Variants in PAX7 observed in about 807,000 individuals in gnomAD.
PAX7 encodes paired box protein Pax-7.
Under a neutral mutation model 50.7 loss-of-function variants are expected in PAX7, and 18 were observed. The ratio of observed to expected loss-of-function variants is 0.36; its 90% CI spans 0.25 to 0.53. PAX7 has a LOEUF of 0.53. Among genes scored for constraint, PAX7 ranks in the 20% least tolerant of loss-of-function variants. The probability of loss-of-function intolerance (pLI) is 0.93; values close to 1 mark genes in which losing one functional copy is unlikely to be tolerated. For missense variants in PAX7, 644 were observed against 702.9 expected (o/e 0.92, Z 0.95); for synonymous variants, 310 against 290.4 (o/e 1.07, Z -0.69).
chr1:18,664,927 T>C (rs2088647308), intron 4 of PAX7, among the ~76,000 whole-genome samples: 1 of 152,120 alleles, frequency 6.6e-6, no homozygotes, highest in African/African-American at 2.4e-5. Flanking sequence ...TACCCTTTGG[T>C]TCCAGTGATT....
intron 4 of PAX7, among the ~76,000 whole-genome samples, chr1:18,657,990 G>A (rs564939314): frequency 1.1e-4 from 17 of 152,256 alleles, no homozygotes; most frequent in East Asian, 3.9e-4. Context: ...CCCCAGGGCC[G>A]ACGCATGAAT....
At chr1:18,653,268 G>T (rs1200125202) in intron 4 of PAX7, among the ~76,000 whole-genome samples, 1 of 151,312 alleles carries the variant, frequency 6.6e-6, no homozygotes, top group Non-Finnish European at 1.5e-5. Context: ...TTTATGAATT[G>T]AGGAATCACA....
intron 7 of PAX7, among the ~76,000 whole-genome samples, chr1:18,706,728 C>T (rs984209950): frequency 5.3e-5 from 8 of 152,174 alleles, no homozygotes; most frequent in African/African-American, 1.7e-4. Flanking sequence ...GGTGATCCAC[C>T]CACCTTGGCC....
At chr1:18,666,622 TG>T (rs1294507946) in intron 4 of PAX7, among the ~76,000 whole-genome samples, 5 of 151,974 alleles carry the variant, frequency 3.3e-5, no homozygotes, top group East Asian at 1.9e-4. Flanking sequence ...GGCTTTGGGG[TG>T]GGGGAAAGGG....
At chr1:18,645,817 T>C (rs1384655242) in intron 4 of PAX7, among the ~76,000 whole-genome samples, 1 of 152,198 alleles carries the variant, frequency 6.6e-6, no homozygotes, top group South Asian at 2.1e-4. Flanking sequence ...AGGAAGCTTC[T>C]GGAACCTCTT....
At chr1:18,645,742 T>C (rs2088328159) in intron 4 of PAX7, among the ~76,000 whole-genome samples, 1 of 152,142 alleles carries the variant, frequency 6.6e-6, no homozygotes, top group African/African-American at 2.4e-5. Context: ...AAACTTGCCT[T>C]AAGTCTGCTC....
chr1:18,717,035 C>G (rs947490070), intron 7 of PAX7, among the ~76,000 whole-genome samples: 2 of 151,644 alleles, frequency 1.3e-5, no homozygotes, highest in Non-Finnish European at 2.9e-5. Context: ...CCTCCCCGCG[C>G]TCCGCCGCCG....
rs199662942 is a variant in PAX7, at chr1:18,703,250, C to T, written c.1109C>T (p.Ala370Val). The T allele has an allele frequency of 7.4e-6, 12 of 1,614,010 alleles. No homozygotes were observed. The highest frequency in any genetic ancestry group is 1.0e-5 in the Non-Finnish European group (12 of 1,179,996). The stretch of plus-strand genomic sequence containing the variant: ...TCTGACAGCTTCATGAATCCGGCGG[C>T]GCCCTCCAACCACATGAACCCGGTC... ...SYSDSFMNPA[A>V]PSNHMNPVSN... Residue 370 changes from alanine to valine, a missense_variant, in exon 7 of 9, where the codon GCG becomes GTG. Transcript: ENST00000420770.
chr1:18,734,762 G>T (rs893204789), intron 7 of PAX7, among the ~76,000 whole-genome samples: 7 of 152,158 alleles, frequency 4.6e-5, no homozygotes, highest in Non-Finnish European at 1.0e-4. Flanking sequence ...CCGACCGAGG[G>T]CAGGGACCAT....
intron 7 of PAX7, among the ~76,000 whole-genome samples, chr1:18,733,007 T>C (rs994938918): frequency 2.1e-4 from 32 of 152,088 alleles, no homozygotes; most frequent in Admixed American, 2.0e-3. Context: ...CTAAGTCTAT[T>C]CTTGGAGTCC....
rs553196287 is a variant in PAX7, at chr1:18,726,636, G to A, written c.1156-8996G>A. Among the ~76,000 whole-genome samples the A allele has an allele frequency of 7.9e-5, 12 of 152,180 alleles. No individual in the cohort carries two copies. In the East Asian group the frequency reaches 9.6e-4, roughly 12 times the overall value. ...CCTTAGTGGGACTGAAAGTTTCCAC[G>A]GGGTAAGGCTTGAACACAGGGACCT... On this transcript the variant is annotated intron_variant, in intron 7 of 8. Transcript: ENST00000420770. This position sits in a 1 kb window ranked among gnomAD's most constrained non-coding sequence, Gnocchi z 4.8.
intron 4 of PAX7, among the ~76,000 whole-genome samples, chr1:18,674,026 A>T (rs1276956992): frequency 1.3e-5 from 2 of 152,222 alleles, no homozygotes; most frequent in African/African-American, 4.8e-5. Flanking sequence ...AACAATCCTA[A>T]CACACTCACC....
chr1:18,709,720 C>T (rs1253748619), intron 7 of PAX7, among the ~76,000 whole-genome samples: 3 of 152,218 alleles, frequency 2.0e-5, no homozygotes, highest in Non-Finnish European at 4.4e-5. Context: ...GGAGCCTCTT[C>T]CAGGTGCCAG....
intron 7 of PAX7, among the ~76,000 whole-genome samples, chr1:18,715,364 C>T (rs1487726181): frequency 6.6e-6 from 1 of 152,154 alleles, no homozygotes; most frequent in African/African-American, 2.4e-5. Flanking sequence ...TATTGCTACA[C>T]AAATATTATT....
At chr1:18,645,038 G>A (rs967873211) in intron 4 of PAX7, among the ~76,000 whole-genome samples, 1 of 152,224 alleles carries the variant, frequency 6.6e-6, no homozygotes, top group Non-Finnish European at 1.5e-5. Context: ...GATGTGTCTC[G>A]TTATGTGTTT....
At chr1:18,687,737 A>G (rs567596669) in intron 4 of PAX7, among the ~76,000 whole-genome samples, 11 of 152,206 alleles carry the variant, frequency 7.2e-5, no homozygotes, top group African/African-American at 2.6e-4. Context: ...CTCAGTGTCC[A>G]GAGGGTTGTT....
intron 7 of PAX7, among the ~76,000 whole-genome samples, chr1:18,733,893 G>A (rs1335320623): frequency 1.3e-5 from 2 of 152,092 alleles, no homozygotes; most frequent in African/African-American, 4.8e-5. Flanking sequence ...GCCCCTTTGC[G>A]GGCCTCAGTT....
chr1:18,703,806 G>C (rs2089252634), intron 7 of PAX7, among the ~76,000 whole-genome samples: 1 of 152,268 alleles, frequency 6.6e-6, no homozygotes, highest in Non-Finnish European at 1.5e-5. Flanking sequence ...TGGGGGAAGG[G>C]ATGAAGTGCC....
chr1:18,646,910 C>A (rs1466924591), intron 4 of PAX7, among the ~76,000 whole-genome samples: 1 of 147,312 alleles, frequency 6.8e-6, no homozygotes, highest in Non-Finnish European at 1.5e-5. Context: ...GAGCGGCCCG[C>A]CCGCGCCCGG....
Sources: allele counts gnomAD v4.1 joint callset (sites outside exome capture counted in the v4.1 genomes callset), GRCh38; gene constraint gnomAD v4.1.1; non-coding constraint Gnocchi (gnomAD v3.1); transcripts MANE v1.5; gene names NCBI Gene and HGNC (gene_info 2026-07-23, HGNC 2026-07-21).